Variants in WDR19 observed in about 807,000 individuals in gnomAD.
WDR19 encodes WD repeat domain 19, also known as WD repeat-containing protein 19.
Under a neutral mutation model 180.0 loss-of-function variants are expected in WDR19, and 121 were observed. That is an observed-to-expected ratio of 0.67 (90% CI 0.58 to 0.78). The LOEUF is 0.78. Ranked by LOEUF, WDR19 falls within the 30% of genes least tolerant of loss-of-function variation. The pLI, the probability that WDR19 is intolerant of heterozygous loss-of-function variation, is 0.00. For missense variants in WDR19, 1,450 were observed against 1,640.7 expected (o/e 0.88, Z 2.01); for synonymous variants, 497 against 540.7 (o/e 0.92, Z 1.12).
chr4:39,259,298 T>A (rs1294992887), intron 28 of WDR19, among the ~76,000 whole-genome samples: 1 of 152,200 alleles, frequency 6.6e-6, no homozygotes, highest in Non-Finnish European at 1.5e-5. Context: ...CACCACAGAA[T>A]TGCCACAGAG....
intron 36 of WDR19, among the ~76,000 whole-genome samples, chr4:39,283,117 G>A (rs1309833206): frequency 1.3e-5 from 2 of 152,156 alleles, no homozygotes; most frequent in Non-Finnish European, 2.9e-5. Flanking sequence ...TTTCAGAGAG[G>A]TCTCCTAACA....
intron 34 of WDR19, 32 bp from the exon 35 acceptor site, chr4:39,278,099 A>C: frequency 6.5e-7 from 1 of 1,543,808 alleles, no homozygotes; most frequent in Non-Finnish European, 8.8e-7. Context: ...TAAAATAAAG[A>C]TGAATTTAAC....
At chr4:39,260,530 A>T (rs923033037) in intron 28 of WDR19, among the ~76,000 whole-genome samples, 2 of 152,008 alleles carry the variant, frequency 1.3e-5, no homozygotes, top group African/African-American at 2.4e-5. Flanking sequence ...TAGTAGAGAC[A>T]GGGTTTCACC....
rs141204809 is a variant in WDR19 at position 39,255,647 on chromosome 4, T to TA, written c.3002-191dup. 3.4e-4 allele frequency among the ~76,000 whole-genome samples: 50 copies of TA among 148,886 alleles called. 1 individual carries two copies. Among genetic ancestry groups the TA allele is most frequent in the South Asian group, 4.2e-4 (2 of 4,730 alleles). On this transcript the variant is annotated intron_variant, in intron 26 of 36. Transcript: ENST00000399820. ...TCCTCTCCTGGTTCACATTTAGAGT[T>TA]AAAAAAAAAAGATGGAACAGAGTTA...
At chr4:39,224,819 T>G (rs1730073565) in intron 14 of WDR19, 65 bp from the exon 15 acceptor site, 2 of 1,357,424 alleles carry the variant, frequency 1.5e-6, no homozygotes, top group Admixed American at 3.0e-5. Context: ...AATTTAAATG[T>G]TGAAAGTTAG....
intron 25 of WDR19, 47 bp downstream of exon 25, chr4:39,253,339 AAAGT>A: frequency 6.5e-7 from 1 of 1,549,872 alleles, no homozygotes; most frequent in Non-Finnish European, 8.7e-7. Flanking sequence ...ACTAACCATA[AAAGT>A]AAGCCTCTGC....
At chr4:39,187,186 C>T (rs975339393) in intron 3 of WDR19, among the ~76,000 whole-genome samples, 2 of 151,678 alleles carry the variant, frequency 1.3e-5, no homozygotes, top group Non-Finnish European at 2.9e-5. Context: ...TTTGGGAGGC[C>T]GAGGCAGGTG....
intron 28 of WDR19, among the ~76,000 whole-genome samples, chr4:39,260,875 C>G (rs189020460): frequency 1.3e-5 from 2 of 152,144 alleles, no homozygotes; most frequent in Non-Finnish European, 2.9e-5. Context: ...ACAATCTAAC[C>G]CTAATTACCT....
chr4:39,280,134 T>TG, intron 36 of WDR19, among the ~76,000 whole-genome samples: 1 of 118,558 alleles, frequency 8.4e-6, no homozygotes, highest in Non-Finnish European at 1.9e-5. Flanking sequence ...TTTTTTTTTT[T>TG]TTTTTTTAAT....
intron 26 of WDR19, among the ~76,000 whole-genome samples, chr4:39,254,983 C>T (rs1232600823): frequency 6.6e-6 from 1 of 152,002 alleles, no homozygotes; most frequent in African/African-American, 2.4e-5. Context: ...TTCAAGGAAA[C>T]AAATTAATTA....
At chr4:39,251,218 A>G (rs898739380) in intron 24 of WDR19, among the ~76,000 whole-genome samples, 8 of 152,194 alleles carry the variant, frequency 5.3e-5, no homozygotes, top group Admixed American at 3.9e-4. Flanking sequence ...ATCTACAACT[A>G]TCTGATCTTT....
At chr4:39,273,450 A>G (rs1735582963) in intron 32 of WDR19, 1 of 188,170 alleles carries the variant, frequency 5.3e-6, no homozygotes, top group South Asian at 1.3e-4. Flanking sequence ...TAGAGTGCCA[A>G]GAAGCTCATT....
At chr4:39,252,551 G>A (rs1186918683) in intron 24 of WDR19, among the ~76,000 whole-genome samples, 1 of 151,754 alleles carries the variant, frequency 6.6e-6, no homozygotes, top group Non-Finnish European at 1.5e-5. Context: ...TTTTAAAGAA[G>A]TGTAACTTTC....
At chr4:39,230,851 A>T (rs1012126251) in intron 17 of WDR19, among the ~76,000 whole-genome samples, 13 of 152,232 alleles carry the variant, frequency 8.5e-5, no homozygotes, top group African/African-American at 3.1e-4. Context: ...GAGGTTCCAC[A>T]AAAAGTTTAA....
intron 21 of WDR19, among the ~76,000 whole-genome samples, chr4:39,243,872 C>A (rs974626267): frequency 3.9e-5 from 6 of 152,172 alleles, no homozygotes; most frequent in African/African-American, 1.4e-4. Context: ...TATGTTTCAT[C>A]ATGCCTCATA....
intron 5 of WDR19, among the ~76,000 whole-genome samples, chr4:39,198,199 G>A (rs1047677597): frequency 4.6e-5 from 7 of 152,136 alleles, no homozygotes; most frequent in Admixed American, 4.6e-4. Flanking sequence ...TTATGTCAAA[G>A]GTATACCACA....
chr4:39,219,325 A>G (rs891739867), intron 14 of WDR19, among the ~76,000 whole-genome samples: 3 of 152,202 alleles, frequency 2.0e-5, no homozygotes, highest in African/African-American at 7.2e-5. Flanking sequence ...TATGACATCC[A>G]TGATGTCACT....
chr4:39,242,932 T>G (rs1732116458), intron 21 of WDR19, among the ~76,000 whole-genome samples: 1 of 152,060 alleles, frequency 6.6e-6, no homozygotes, highest in African/African-American at 2.4e-5. Flanking sequence ...CCTCCCAAAG[T>G]GCTGGGATAA....
intron 31 of WDR19, among the ~76,000 whole-genome samples, chr4:39,271,093 C>CT (rs1735320977): frequency 6.6e-6 from 1 of 152,012 alleles, no homozygotes; most frequent in Non-Finnish European, 1.5e-5. Context: ...GATGGGGTTT[C>CT]ACCACGTTGG....
Sources: gnomAD v4.1 joint callset for allele counts (sites outside exome capture counted in the v4.1 genomes callset) on GRCh38, gnomAD v4.1.1 for gene constraint, MANE v1.5 for transcripts, NCBI Gene and HGNC (gene_info 2026-07-23, HGNC 2026-07-21) for gene names.